Variants in C4orf36 observed in about 807,000 individuals in gnomAD.
The protein encoded by C4orf36 is uncharacterized protein C4orf36.
A neutral mutation model predicts 12.2 loss-of-function variants in C4orf36; 11 were observed. The ratio of observed to expected loss-of-function variants is 0.90; its 90% CI spans 0.57 to 1.49. The LOEUF is 1.49. Ranked by LOEUF, C4orf36 falls within the 40% of genes most tolerant of loss-of-function variation. The probability of loss-of-function intolerance (pLI) is 0.00; values close to 1 mark genes in which losing one functional copy is unlikely to be tolerated. For missense variants in C4orf36, 137 were observed against 133.9 expected, an observed-to-expected ratio of 1.02 and a Z score of -0.11; for synonymous variants, 54 against 51.3, an observed-to-expected ratio of 1.05 and a Z score of -0.22.
chr4:86,900,985 CTTT>C, the C4orf36 span, among the ~76,000 whole-genome samples: 8 of 138,028 alleles, frequency 5.8e-5, no homozygotes, highest in Admixed American at 1.5e-4. Flanking sequence ...GCAGTGGTTC[CTTT>C]TTTTTTTTTT....
the C4orf36 span, among the ~76,000 whole-genome samples, chr4:86,920,164 A>G: frequency 6.6e-6 from 1 of 152,248 alleles, no homozygotes. Context: ...GATGGCCTTT[A>G]CTCCGGTTTC....
chr4:86,885,239 T>G (rs889937529), intron 4 of C4orf36, among the ~76,000 whole-genome samples: 6 of 152,264 alleles, frequency 3.9e-5, no homozygotes, highest in African/African-American at 1.4e-4. Flanking sequence ...GTGAAGAAAG[T>G]CATTGGTAGC....
At chr4:86,880,793 G>A (rs1747034758) in intron 4 of C4orf36, among the ~76,000 whole-genome samples, 1 of 152,180 alleles carries the variant, frequency 6.6e-6, no homozygotes. Context: ...TGTAGTCCTA[G>A]CACTTTGGGA....
the C4orf36 span, among the ~76,000 whole-genome samples, chr4:86,921,076 A>G: frequency 6.6e-6 from 1 of 152,016 alleles, no homozygotes; most frequent in East Asian, 1.9e-4. Flanking sequence ...GAGGCAGGAT[A>G]ATCACTTGAA....
intron 4 of C4orf36, among the ~76,000 whole-genome samples, chr4:86,886,004 T>C (rs967491695): frequency 1.6e-4 from 25 of 152,248 alleles, no homozygotes; most frequent in Non-Finnish European, 2.8e-4. Context: ...ATTACGTTTA[T>C]TGATTTGCGT....
the C4orf36 span, among the ~76,000 whole-genome samples, chr4:86,932,747 T>A: frequency 9.0e-6 from 1 of 111,676 alleles, no homozygotes; most frequent in Non-Finnish European, 1.7e-5. Flanking sequence ...ATCATCATAT[T>A]TAAAAGGGAG....
the C4orf36 span, among the ~76,000 whole-genome samples, chr4:86,899,821 C>A: frequency 1.3e-5 from 2 of 152,192 alleles, no homozygotes; most frequent in South Asian, 2.1e-4. Context: ...ATAGAGCGAG[C>A]CCCTGTCTCA....
the C4orf36 span, among the ~76,000 whole-genome samples, chr4:86,927,425 T>C: frequency 1.3e-5 from 2 of 152,138 alleles, no homozygotes; most frequent in Non-Finnish European, 2.9e-5. Flanking sequence ...AGTAAATACG[T>C]ACAAGTGAAA....
At chr4:86,900,261 G>A in the C4orf36 span, among the ~76,000 whole-genome samples, 2 of 152,070 alleles carry the variant, frequency 1.3e-5, no homozygotes, top group Non-Finnish European at 1.5e-5. Context: ...TTGAACTCCT[G>A]ACCTCAAATG....
chr4:86,904,027 T>C, the C4orf36 span, among the ~76,000 whole-genome samples: 2 of 152,194 alleles, frequency 1.3e-5, no homozygotes, highest in Admixed American at 6.5e-5. Context: ...TACAATCCTT[T>C]AGCTAGGCTG....
At chr4:86,902,974 G>A in the C4orf36 span, among the ~76,000 whole-genome samples, 1 of 152,222 alleles carries the variant, frequency 6.6e-6, no homozygotes, top group African/African-American at 2.4e-5. Context: ...TTTGAAGGGA[G>A]AGAGGGGGCT....
Position 86,878,977 on chromosome 4 carries a change from T to C in C4orf36, c.*3-2534A>G, listed in dbSNP as rs563369082. On this transcript the variant is annotated intron_variant, in intron 4 of 4. Transcript: ENST00000295898. ...CCCAGAAAGGTTTGGGAGGTCGCCA[T>C]ACACTCTAGCCAGGCTGACTGGTGA... Among the ~76,000 whole-genome samples the C allele has an allele frequency of 1.2e-3, 180 of 152,284 alleles. 1 individual carries two copies. In the South Asian group the frequency reaches 0.023, roughly 20 times the overall value.
intron 4 of C4orf36, among the ~76,000 whole-genome samples, chr4:86,883,754 G>A (rs780472832): frequency 4.3e-4 from 65 of 152,106 alleles, no homozygotes; most frequent in African/African-American, 1.2e-3. Context: ...TCAGCCAGGC[G>A]CGGTGGCTCA....
the C4orf36 span, among the ~76,000 whole-genome samples, chr4:86,909,013 T>C: frequency 6.6e-6 from 1 of 152,184 alleles, no homozygotes. Flanking sequence ...CCCCCACCTT[T>C]ACCTGTCTCT....
chr4:86,877,822 G>A (rs750548241), intron 4 of C4orf36, among the ~76,000 whole-genome samples: 35 of 152,012 alleles, frequency 2.3e-4, no homozygotes, highest in African/African-American at 4.1e-4. Flanking sequence ...TGATTGTTCC[G>A]CACCTTTATA....
At chr4:86,914,188 C>T in the C4orf36 span, 95 of 1,592,398 alleles carry the variant, frequency 6.0e-5, no homozygotes, top group Non-Finnish European at 7.7e-5. Flanking sequence ...GACTACTTCA[C>T]AAAAGTAGCT....
At chr4:86,884,213 C>T (rs1050026832) in intron 4 of C4orf36, among the ~76,000 whole-genome samples, 1 of 151,794 alleles carries the variant, frequency 6.6e-6, no homozygotes, top group Non-Finnish European at 1.5e-5. Context: ...ATTTTCATGT[C>T]ACTTTCACAC....
chr4:86,920,477 T>C, the C4orf36 span, among the ~76,000 whole-genome samples: 2 of 152,176 alleles, frequency 1.3e-5, no homozygotes, highest in African/African-American at 4.8e-5. Flanking sequence ...TTGGTACCAA[T>C]TTTTTTGTCT....
the C4orf36 span, among the ~76,000 whole-genome samples, chr4:86,927,631 C>G: frequency 4.6e-5 from 7 of 152,056 alleles, no homozygotes; most frequent in Non-Finnish European, 1.0e-4. Flanking sequence ...GAAACCCTGT[C>G]TCTACTAAAA....
Sources: gnomAD v4.1 joint callset for allele counts (sites outside exome capture counted in the v4.1 genomes callset) on GRCh38, gnomAD v4.1.1 for gene constraint, MANE v1.5 for transcripts, NCBI Gene and HGNC (gene_info 2026-07-23, HGNC 2026-07-21) for gene names.